CD53: variants seen among roughly 807,000 people sequenced by gnomAD.
The protein encoded by CD53 is leukocyte surface antigen CD53.
Under a neutral mutation model 27.3 loss-of-function variants are expected in CD53, and 20 were observed. The observed-to-expected ratio is 0.73, with a 90% CI of 0.52 to 1.07. The LOEUF is 1.07. Ranked by LOEUF, CD53 falls within the 50% of genes least tolerant of loss-of-function variation. CD53 has a pLI of 0.00. For missense variants in CD53, 216 were observed against 264.0 expected, an observed-to-expected ratio of 0.82 and a Z score of 1.26; for synonymous variants, 106 against 105.3, an observed-to-expected ratio of 1.01 and a Z score of -0.04.
intron 2 of CD53, 137 bp from the exon 3 acceptor site, chr1:110,892,208 G>C: frequency 1.4e-6 from 1 of 723,490 alleles, no homozygotes; most frequent in Admixed American, 2.1e-5. Flanking sequence ...GGAAAAGTTT[G>C]GTAAAGAAAT....
intron 3 of CD53, 35 bp from the exon 4 acceptor site, chr1:110,894,287 TGGGGA>T (rs756296868): frequency 6.4e-7 from 1 of 1,572,088 alleles, no homozygotes; most frequent in Admixed American, 1.7e-5. Flanking sequence ...GGGACGAGAA[TGGGGA>T]TCAGTGCTGT....
intron 1 of CD53, among the ~76,000 whole-genome samples, chr1:110,875,594 C>T (rs922800619): frequency 6.6e-6 from 1 of 152,130 alleles, no homozygotes; most frequent in African/African-American, 2.4e-5. Flanking sequence ...CTTCTTGTAC[C>T]AAGCAAGCAT....
intron 1 of CD53, among the ~76,000 whole-genome samples, chr1:110,876,655 A>G (rs962871795): frequency 4.6e-5 from 7 of 152,066 alleles, no homozygotes; most frequent in Admixed American, 2.6e-4. Context: ...GAATTATTCC[A>G]TAGTTTAGTC....
At chr1:110,874,184 T>C (rs1240911195) in intron 1 of CD53, among the ~76,000 whole-genome samples, 3 of 152,134 alleles carry the variant, frequency 2.0e-5, no homozygotes, top group African/African-American at 7.2e-5. Context: ...CACCCACCCA[T>C]CTAAGTATGA....
rs141935496 is a variant in CD53, at chr1:110,886,846, A to AAGAT, written c.-17-4545_-17-4544insGATA. ...GGCAACAGAGCGAGACTCTGTCTCCAATATATATATATATATATATATATT... is the reference window on the plus strand; with the variant it reads ...GGCAACAGAGCGAGACTCTGTCTCCAAGATATATATATATATATATATATATATT... On this transcript the variant is annotated intron_variant, in intron 1 of 7. Transcript: ENST00000271324. Among the ~76,000 whole-genome samples the AAGAT allele has an allele frequency of 3.7e-4, 37 of 101,004 alleles. 7 individuals carry two copies. Among genetic ancestry groups the AAGAT allele is most frequent in the Middle Eastern group, 6.0e-3 (1 of 166 alleles). 66.3% of individuals were successfully genotyped at this position (101,004 alleles called of 152,430 possible).
intron 4 of CD53, 108 bp from the exon 5 acceptor site, chr1:110,894,852 T>C (rs1656994864): frequency 2.5e-6 from 2 of 798,152 alleles, no homozygotes; most frequent in Non-Finnish European, 2.2e-6. Context: ...GAGGAGACCA[T>C]TTGGAAGGGA....
intron 1 of CD53, among the ~76,000 whole-genome samples, chr1:110,879,904 C>G (rs1309000870): frequency 6.6e-6 from 1 of 152,084 alleles, no homozygotes; most frequent in Non-Finnish European, 1.5e-5. Flanking sequence ...CAACCTTAAC[C>G]ACTTCTAAGC....
Position 110,885,660 on chromosome 1 carries a change from C to T in CD53, c.-17-5732C>T, listed in dbSNP as rs565753215. Among the ~76,000 whole-genome samples, 27 of 152,002 alleles carry T rather than the reference C, an allele frequency of 1.8e-4. No homozygotes were observed. In the East Asian group the frequency reaches 5.0e-3, roughly 28 times the overall value. On this transcript the variant is annotated intron_variant, in intron 1 of 7. Transcript: ENST00000271324. ...GGCAGATCACCTGAGGTCAGGAGTT[C>T]GAGACCAGCCTGGCCAACATGGCGA...
At chr1:110,890,873 A>C (rs1026761869) in intron 1 of CD53, among the ~76,000 whole-genome samples, 2 of 152,258 alleles carry the variant, frequency 1.3e-5, no homozygotes, top group Non-Finnish European at 2.9e-5. Flanking sequence ...ATGTTTCTGC[A>C]ATAAAAGAAT....
chr1:110,890,424 G>A (rs1163370278), intron 1 of CD53, among the ~76,000 whole-genome samples: 11 of 152,006 alleles, frequency 7.2e-5, no homozygotes, highest in Non-Finnish European at 1.2e-4. Context: ...AAAATTATCC[G>A]GGCATGATGG....
intron 1 of CD53, among the ~76,000 whole-genome samples, chr1:110,889,646 T>C (rs1656771979): frequency 6.6e-6 from 1 of 152,168 alleles, no homozygotes; most frequent in African/African-American, 2.4e-5. Context: ...TATGCCAGTC[T>C]GTGTGATAAG....
intron 1 of CD53, among the ~76,000 whole-genome samples, chr1:110,887,052 A>ATTTATG (rs1310082692): frequency 8.2e-6 from 1 of 121,816 alleles, no homozygotes; most frequent in Non-Finnish European, 1.9e-5. Context: ...CCATGTCTCT[A>ATTTATG]TTTATGTTTA....
At chr1:110,880,033 G>A (rs891007111) in intron 1 of CD53, among the ~76,000 whole-genome samples, 1 of 152,200 alleles carries the variant, frequency 6.6e-6, no homozygotes, top group East Asian at 1.9e-4. Flanking sequence ...AAACTAAAGA[G>A]CAAAGTTGAT....
At chr1:110,876,735 G>C (rs1157891669) in intron 1 of CD53, among the ~76,000 whole-genome samples, 1 of 152,050 alleles carries the variant, frequency 6.6e-6, no homozygotes, top group Non-Finnish European at 1.5e-5. Flanking sequence ...ATTTTGAGAT[G>C]AGAATCCCTT....
chr1:110,871,704 C>T (rs1321467222), upstream of CD53, among the ~76,000 whole-genome samples: 1 of 152,072 alleles, frequency 6.6e-6, no homozygotes, highest in Admixed American at 6.5e-5. Context: ...GACCTGTAAG[C>T]ATGGCAGCAG....
chr1:110,877,463 C>T (rs3795825), intron 1 of CD53, among the ~76,000 whole-genome samples: 32,635 of 152,120 alleles, frequency 0.21, 4,330 homozygotes, highest in Middle Eastern at 0.37. Context: ...TGTAACAGTG[C>T]TAACTGTTTT....
At chr1:110,877,634 C>T (rs566584988) in intron 1 of CD53, among the ~76,000 whole-genome samples, 1 of 152,286 alleles carries the variant, frequency 6.6e-6, no homozygotes, top group Non-Finnish European at 1.5e-5. Flanking sequence ...TTTCTTCTTC[C>T]TTATTTCTCT....
At chr1:110,889,552 C>T (rs1656764864) in intron 1 of CD53, among the ~76,000 whole-genome samples, 3 of 110,090 alleles carry the variant, frequency 2.7e-5, no homozygotes, top group Admixed American at 1.8e-4. Flanking sequence ...AGCAAAACTC[C>T]GTCAAATAAA....
At chr1:110,882,556 T>A (rs1570899579) in intron 1 of CD53, among the ~76,000 whole-genome samples, 1 of 152,076 alleles carries the variant, frequency 6.6e-6, no homozygotes, top group East Asian at 1.9e-4. Context: ...ATTCTAAGTC[T>A]TTTGCATTCC....
Sources: allele counts gnomAD v4.1 joint callset (sites outside exome capture counted in the v4.1 genomes callset), GRCh38; gene constraint gnomAD v4.1.1; transcripts MANE v1.5; gene names NCBI Gene and HGNC (gene_info 2026-07-23, HGNC 2026-07-21).